NEGR1: variants seen among roughly 807,000 people sequenced by gnomAD.
The protein encoded by NEGR1 is IgLON family member 4.
Under a neutral mutation model 40.9 loss-of-function variants are expected in NEGR1, and 10 were observed. That is an observed-to-expected ratio of 0.24 (90% CI 0.15 to 0.42). The LOEUF (loss-of-function observed/expected upper bound fraction) is 0.42. Among genes scored for constraint, NEGR1 ranks in the 10% least tolerant of loss-of-function variants. The pLI, the probability that NEGR1 is intolerant of heterozygous loss-of-function variation, is 1.00. For synonymous variants in NEGR1, 185 were observed against 166.8 expected (o/e 1.11, Z -0.84); for missense variants, 352 against 438.9 (o/e 0.80, Z 1.77).
chr1:71,718,546 A>C (rs1654350948), intron 3 of NEGR1, among the ~76,000 whole-genome samples: 1 of 152,178 alleles, frequency 6.6e-6, no homozygotes, highest in Non-Finnish European at 1.5e-5. Context: ...TAACACAACT[A>C]TTGACATTTA....
intron 1 of NEGR1, among the ~76,000 whole-genome samples, chr1:71,967,981 G>A (rs1365210): frequency 0.28 from 42,239 of 152,034 alleles, 6,299 homozygotes; most frequent in African/African-American, 0.39. Flanking sequence ...GACACATAAA[G>A]CACTTGATAA....
chr1:71,949,452 GT>G (rs1646050081), intron 1 of NEGR1, among the ~76,000 whole-genome samples: 1 of 152,124 alleles, frequency 6.6e-6, no homozygotes, highest in African/African-American at 2.4e-5. Flanking sequence ...GTGAAGTGTA[GT>G]AAGAAGTTCA....
chr1:72,106,959 A>C (rs2100258618), intron 1 of NEGR1, among the ~76,000 whole-genome samples: 1 of 152,016 alleles, frequency 6.6e-6, no homozygotes, highest in African/African-American at 2.4e-5. Flanking sequence ...AAATCCAAGA[A>C]AATTTAGAAT....
chr1:72,229,946 G>A (rs1444478795), intron 1 of NEGR1, among the ~76,000 whole-genome samples: 1 of 152,066 alleles, frequency 6.6e-6, no homozygotes, highest in East Asian at 1.9e-4. Flanking sequence ...CAATCCACAT[G>A]ATCTTTACAC....
chr1:71,896,084 C>T (rs565361022), intron 2 of NEGR1, among the ~76,000 whole-genome samples: 1 of 136,774 alleles, frequency 7.3e-6, no homozygotes, highest in African/African-American at 2.8e-5. Flanking sequence ...GTGGCCCAGG[C>T]TGAAGTGCAG....
At chr1:71,637,636 C>T (rs974388710) in intron 4 of NEGR1, among the ~76,000 whole-genome samples, 2 of 151,736 alleles carry the variant, frequency 1.3e-5, no homozygotes, top group Admixed American at 6.6e-5. Context: ...GGGAAGCAGT[C>T]GCATTGATGT....
intron 2 of NEGR1, among the ~76,000 whole-genome samples, chr1:71,925,155 A>G (rs945522886): frequency 2.6e-5 from 4 of 152,212 alleles, no homozygotes; most frequent in African/African-American, 4.8e-5. Flanking sequence ...GGAGTCCACA[A>G]ATAGATTTAC....
intron 1 of NEGR1, among the ~76,000 whole-genome samples, chr1:72,139,767 C>T (rs1650603480): frequency 6.6e-6 from 1 of 151,982 alleles, no homozygotes; most frequent in African/African-American, 2.4e-5. Context: ...CCTAGGGAAG[C>T]ATTTGAGGAT....
chr1:71,826,051 A>G (rs1438027119), intron 2 of NEGR1, among the ~76,000 whole-genome samples: 1 of 151,860 alleles, frequency 6.6e-6, no homozygotes, highest in African/African-American at 2.4e-5. Context: ...ATACGCCTCT[A>G]TCGGCTGTTT....
intron 2 of NEGR1, among the ~76,000 whole-genome samples, chr1:71,928,047 CACGTATATATAT>C (rs1330488922): frequency 2.4e-4 from 27 of 111,286 alleles, no homozygotes; most frequent in Admixed American, 5.0e-4. Flanking sequence ...CACACACACA[CACGTATATATAT>C]ACACACACAC....
At chr1:72,180,140 A>G (rs1169942430) in intron 1 of NEGR1, among the ~76,000 whole-genome samples, 1 of 152,056 alleles carries the variant, frequency 6.6e-6, no homozygotes, top group East Asian at 1.9e-4. Context: ...TATTACAAAG[A>G]CATAGTATTC....
intron 6 of NEGR1, among the ~76,000 whole-genome samples, chr1:71,539,024 G>A (rs1350793814): frequency 1.3e-5 from 2 of 151,716 alleles, no homozygotes; most frequent in Non-Finnish European, 2.9e-5. Context: ...GGATGGTTTA[G>A]CATAGTGGTT....
intron 6 of NEGR1, among the ~76,000 whole-genome samples, chr1:71,562,754 A>G (rs548446767): frequency 1.4e-3 from 217 of 152,090 alleles, no homozygotes; most frequent in African/African-American, 5.0e-3. Context: ...TTCTGTTATA[A>G]CAGTCAAGGT....
At chr1:71,883,646 T>C (rs994757473) in intron 2 of NEGR1, among the ~76,000 whole-genome samples, 1 of 152,120 alleles carries the variant, frequency 6.6e-6, no homozygotes, top group African/African-American at 2.4e-5. Context: ...TACATATGTA[T>C]ACATGCGCCG....
intron 3 of NEGR1, among the ~76,000 whole-genome samples, chr1:71,700,562 A>G (rs1262369944): frequency 2.0e-5 from 3 of 152,040 alleles, no homozygotes; most frequent in Non-Finnish European, 4.4e-5. Flanking sequence ...CAGTAAATTA[A>G]CCACATGTCA....
chr1:72,123,789 T>C (rs1487739993), intron 1 of NEGR1, among the ~76,000 whole-genome samples: 2 of 151,984 alleles, frequency 1.3e-5, no homozygotes, highest in African/African-American at 4.8e-5. Flanking sequence ...AGCTTCTTTA[T>C]TACAATGTCT....
chr1:72,001,029 C>T (rs751182544), intron 1 of NEGR1, among the ~76,000 whole-genome samples: 3 of 151,974 alleles, frequency 2.0e-5, no homozygotes, highest in Admixed American at 1.3e-4. Context: ...CTCCATCCCC[C>T]GACACATGTG....
chr1:71,526,071 C>A (rs1004325979), intron 6 of NEGR1, among the ~76,000 whole-genome samples: 1 of 151,416 alleles, frequency 6.6e-6, no homozygotes, highest in Admixed American at 6.6e-5. Context: ...ACTTTTTTAT[C>A]TTTTTAAATA....
At chr1:71,759,875 C>T (rs1249863757) in intron 3 of NEGR1, among the ~76,000 whole-genome samples, 1 of 151,890 alleles carries the variant, frequency 6.6e-6, no homozygotes, top group Admixed American at 6.6e-5. Flanking sequence ...TCCCAAATTA[C>T]TGGGATTACA....
Sources: gnomAD v4.1 joint callset for allele counts (sites outside exome capture counted in the v4.1 genomes callset) on GRCh38, gnomAD v4.1.1 for gene constraint, MANE v1.5 for transcripts, NCBI Gene and HGNC (gene_info 2026-07-23, HGNC 2026-07-21) for gene names.